The following EIF2A variants were observed in gnomAD, a reference collection of about 807,000 sequenced individuals.
EIF2A encodes 65 kDa eukaryotic translation initiation factor 2A.
EIF2A carries 62 observed loss-of-function variants against 75.2 expected under a neutral mutation model. That is an observed-to-expected ratio of 0.82 (90% CI 0.67 to 1.02). The LOEUF (loss-of-function observed/expected upper bound fraction) is 1.02. Among genes scored for constraint, EIF2A ranks in the 50% least tolerant of loss-of-function variants. The pLI is 0.00. For missense variants in EIF2A, 611 were observed against 677.7 expected, an observed-to-expected ratio of 0.90 and a Z score of 1.09; for synonymous variants, 207 against 239.0, an observed-to-expected ratio of 0.87 and a Z score of 1.23.
chr3:150,549,272 G>A (rs1282293680), intron 1 of EIF2A, among the ~76,000 whole-genome samples: 3 of 148,834 alleles, frequency 2.0e-5, no homozygotes, highest in Non-Finnish European at 4.4e-5. Flanking sequence ...AGGCTGGAGT[G>A]CAATGGCGCG....
chr3:150,565,016 CT>C (rs1476872713), intron 6 of EIF2A: 3 of 314,718 alleles, frequency 9.5e-6, no homozygotes, highest in African/African-American at 6.5e-5. Flanking sequence ...ATTGATATAT[CT>C]TTTATGTTTC....
chr3:150,560,287 T>C (rs926194063), intron 3 of EIF2A, among the ~76,000 whole-genome samples: 4 of 152,226 alleles, frequency 2.6e-5, no homozygotes, highest in African/African-American at 7.2e-5. Context: ...ATGGTACTTA[T>C]TGTTCTGGGG....
chr3:150,551,405 C>T (rs73001328), intron 1 of EIF2A, among the ~76,000 whole-genome samples: 2 of 151,960 alleles, frequency 1.3e-5, no homozygotes. Flanking sequence ...TTATTTGGTT[C>T]AGCTTTAGAA....
intron 11 of EIF2A, among the ~76,000 whole-genome samples, chr3:150,580,974 A>G (rs1047933061): frequency 2.0e-5 from 3 of 152,194 alleles, no homozygotes; most frequent in African/African-American, 7.2e-5. Context: ...TTTGGGCTGC[A>G]GTTGACGCTT....
chr3:150,564,226 C>T (rs1724041571), intron 5 of EIF2A, 73 bp from the exon 6 acceptor site: 1 of 1,158,506 alleles, frequency 8.6e-7, no homozygotes, highest in Non-Finnish European at 1.2e-6. Context: ...TCATAAATTA[C>T]TTTAACATGT....
intron 9 of EIF2A, 35 bp downstream of exon 9, chr3:150,568,327 CAA>C: frequency 6.6e-7 from 1 of 1,505,672 alleles, no homozygotes; most frequent in Non-Finnish European, 9.1e-7. Context: ...TGATTAGAAA[CAA>C]TGATAGTAAA....
intron 2 of EIF2A, chr3:150,557,748 C>G: frequency 3.3e-6 from 1 of 300,960 alleles, no homozygotes; most frequent in Non-Finnish European, 6.5e-6. Context: ...TGTAAGCTGT[C>G]ATTATTGTGT....
At chr3:150,573,608 G>A (rs758200171) in intron 10 of EIF2A, among the ~76,000 whole-genome samples, 5 of 152,102 alleles carry the variant, frequency 3.3e-5, no homozygotes, top group African/African-American at 1.2e-4. Flanking sequence ...TTTATGTGGC[G>A]TGATGATTGT....
chr3:150,558,499 C>T (rs776207394), intron 3 of EIF2A, 37 bp downstream of exon 3: 79 of 1,411,658 alleles, frequency 5.6e-5, no homozygotes, highest in Admixed American at 7.4e-5. Flanking sequence ...TTGTGTGTCA[C>T]GAATATAAAC....
chr3:150,583,876 C>T lies in EIF2A; in HGVS notation c.1723C>T (p.Leu575Phe). ...GAAAATTCAGAAAGAAACAGCCCTT[C>T]TCCAGGAGCTGGAAGATTTGGAATT... ...LEKIQKETAL[L>F]QELEDLELGI The change falls in exon 14 of 14, where the codon CTC (leucine) becomes TTC (phenylalanine). Residue 575 changes from leucine to phenylalanine, a missense_variant. Coordinates refer to ENST00000460851, the MANE Select transcript of EIF2A (RefSeq NM_032025.5). The T allele has an allele frequency of 6.2e-7, 1 of 1,613,546 alleles. No homozygotes were observed. The highest frequency in any genetic ancestry group is 2.2e-5 in the East Asian group (1 of 44,808).
chr3:150,556,014 A>T (rs908386957), intron 2 of EIF2A, among the ~76,000 whole-genome samples: 3 of 152,160 alleles, frequency 2.0e-5, no homozygotes, highest in African/African-American at 7.2e-5. Context: ...ACAGCCTCTT[A>T]GCCTGTTTGG....
At chr3:150,561,077 C>T (rs1723827788) in intron 3 of EIF2A, among the ~76,000 whole-genome samples, 1 of 152,050 alleles carries the variant, frequency 6.6e-6, no homozygotes, top group South Asian at 2.1e-4. Context: ...TAGTAGACAT[C>T]AAATGTCTCC....
At chr3:150,583,434 A>G (rs1050317729) in intron 13 of EIF2A, among the ~76,000 whole-genome samples, 169 bp downstream of exon 13, 1 of 152,226 alleles carries the variant, frequency 6.6e-6, no homozygotes, top group Non-Finnish European at 1.5e-5. Context: ...CTTTACTCTT[A>G]AATAGAAGAG....
At chr3:150,555,337 A>G (rs558815803) in intron 2 of EIF2A, among the ~76,000 whole-genome samples, 5 of 150,332 alleles carry the variant, frequency 3.3e-5, no homozygotes, top group African/African-American at 1.2e-4. Context: ...GCTCACTGCA[A>G]CCTCTGCTTC....
At chr3:150,560,671 T>G (rs778006967) in intron 3 of EIF2A, among the ~76,000 whole-genome samples, 11 of 151,600 alleles carry the variant, frequency 7.3e-5, no homozygotes, top group Non-Finnish European at 1.6e-4. Context: ...CAAACCTGAG[T>G]AGAACAAAGT....
At chr3:150,573,510 C>T (rs185466892) in intron 10 of EIF2A, among the ~76,000 whole-genome samples, 12 of 152,280 alleles carry the variant, frequency 7.9e-5, no homozygotes, top group African/African-American at 2.9e-4. Context: ...CCTTGGCCTC[C>T]CAAAGTGCTG....
intron 2 of EIF2A, chr3:150,557,719 T>C (rs1391777497): frequency 5.2e-6 from 2 of 386,416 alleles, no homozygotes; most frequent in Non-Finnish European, 1.0e-5. Flanking sequence ...TAAAAATGTT[T>C]TATTATCTAT....
intron 11 of EIF2A, among the ~76,000 whole-genome samples, chr3:150,581,215 GATTCTT>G (rs1447402099): frequency 6.6e-6 from 1 of 152,160 alleles, no homozygotes; most frequent in African/African-American, 2.4e-5. Flanking sequence ...ATATCTGTAG[GATTCTT>G]ATTCTTGTAG....
chr3:150,568,665 A>G (rs1724331545), intron 9 of EIF2A, among the ~76,000 whole-genome samples: 1 of 152,060 alleles, frequency 6.6e-6, no homozygotes, highest in African/African-American at 2.4e-5. Flanking sequence ...AGTAATTCCA[A>G]CACATTTTGG....
Sources: allele counts gnomAD v4.1 joint callset (sites outside exome capture counted in the v4.1 genomes callset), GRCh38; gene constraint gnomAD v4.1.1; transcripts MANE v1.5; gene names NCBI Gene and HGNC (gene_info 2026-07-23, HGNC 2026-07-21).